MOSPD2: variants seen among roughly 807,000 people sequenced by gnomAD.
The protein encoded by MOSPD2 is motile sperm domain-containing protein 2.
In MOSPD2, 5 loss-of-function variants were observed where a neutral mutation model predicts 41.7. The ratio of observed to expected loss-of-function variants is 0.12; its 90% CI spans 0.06 to 0.25. MOSPD2 has a LOEUF of 0.25. Among genes scored for constraint, MOSPD2 ranks in the 10% least tolerant of loss-of-function variants. The pLI, the probability that MOSPD2 is intolerant of heterozygous loss-of-function variation, is 1.00. For missense variants in MOSPD2, 282 were observed against 375.2 expected (o/e 0.75, Z 2.05); for synonymous variants, 115 against 126.9 (o/e 0.91, Z 0.63).
intron 2 of MOSPD2, among the ~76,000 whole-genome samples, chrX:14,885,790 C>G (rs41311481): frequency 3.6e-5 from 4 of 110,825 alleles, no homozygotes; most frequent in African/African-American, 6.5e-5. Context: ...AAGCGAATAA[C>G]TTAATATTTG....
intron 4 of MOSPD2, among the ~76,000 whole-genome samples, chrX:14,895,911 T>C (rs1437551787): frequency 9.0e-6 from 1 of 111,196 alleles, no homozygotes; most frequent in Non-Finnish European, 1.9e-5. Flanking sequence ...ATACCAGGGA[T>C]GCAACTTGGC....
At position 14,920,522 on chromosome X, in the gene MOSPD2, T is replaced by C. The variant is rs1219098115; in HGVS notation, c.*713T>C. On this transcript the variant is annotated 3_prime_UTR_variant, in exon 15 of 15. Coordinates refer to ENST00000380492, the MANE Select transcript of MOSPD2 (RefSeq NM_152581.4). ...TTGGAATTTCTTTGAATTCTGTTAG[T>C]AATGCCCAAAAGAAAAGTCTCAAGC... 1 of 752,120 alleles carries C rather than the reference T, an allele frequency of 1.3e-6. No homozygotes were observed. Among genetic ancestry groups the C allele is most frequent in the Non-Finnish European group, 1.6e-6 (1 of 638,539 alleles). The allele number at this position is 752,120 out of a possible 1,213,427, so 62.0% of individuals were successfully genotyped here.
chrX:14,877,977 CAAAAA>C (rs1182798930), intron 2 of MOSPD2, among the ~76,000 whole-genome samples: 1 of 88,848 alleles, frequency 1.1e-5, no homozygotes, highest in Non-Finnish European at 2.2e-5. Context: ...GACTCCATCT[CAAAAA>C]AAAAAAAAAT....
intron 5 of MOSPD2, among the ~76,000 whole-genome samples, chrX:14,898,615 A>C (rs2092567034): frequency 8.9e-6 from 1 of 112,118 alleles, no homozygotes; most frequent in African/African-American, 3.2e-5. Flanking sequence ...TAGATAAATA[A>C]ATATTCCATA....
intron 6 of MOSPD2, among the ~76,000 whole-genome samples, chrX:14,901,725 C>G (rs1024559885): frequency 9.0e-6 from 1 of 110,499 alleles, no homozygotes; most frequent in Non-Finnish European, 1.9e-5. Flanking sequence ...CAGTGCCAGT[C>G]ATTGGTCAGT....
intron 2 of MOSPD2, among the ~76,000 whole-genome samples, chrX:14,878,280 C>A (rs1219073299): frequency 3.6e-5 from 4 of 111,446 alleles, no homozygotes; most frequent in African/African-American, 1.3e-4. Flanking sequence ...CAGGCCTTTG[C>A]TCATATGTGC....
chrX:14,916,260 G>C lies in MOSPD2; in HGVS notation c.1250G>C (p.Gly417Ala), dbSNP rs762599533. 5.0e-6 allele frequency: 6 copies of C among 1,211,823 alleles called. No homozygotes were observed. In the South Asian group the frequency reaches 8.8e-5, roughly 18 times the overall value. ...GCTGCAGAAATGGAACAGTCATCTGGCACAGGCCCAGCAGAATTAACTCAG... is the reference window on the plus strand; with the variant it reads ...GCTGCAGAAATGGAACAGTCATCTGCCACAGGCCCAGCAGAATTAACTCAG... ...IMAAEMEQSS[G>A]TGPAELTQFW... is the part of the protein sequence containing the mutation. The change falls in exon 13 of 15, where the codon GGC becomes GCC. Residue 417 changes from glycine (G) to alanine (A), a missense_variant. Around this residue, in one of 3 missense-constraint regions of MOSPD2, gnomAD observed 94 missense variants for 102.1 expected, o/e 0.92. Coordinates refer to ENST00000380492, the MANE Select transcript of MOSPD2 (RefSeq NM_152581.4).
intron 14 of MOSPD2, 121 bp from the exon 15 acceptor site, chrX:14,919,551 C>G (rs1054310542): frequency 9.5e-6 from 5 of 525,164 alleles, no homozygotes; most frequent in South Asian, 3.3e-5. Context: ...CTTCCACCAG[C>G]CTTACAGAGT....
At position 14,920,680 on chromosome X, in the gene MOSPD2, A is replaced by T; in HGVS notation, c.*871A>T. On this transcript the variant is annotated 3_prime_UTR_variant, in exon 15 of 15. Transcript: ENST00000380492. ...CTTCACCCCCATTCCAGAGCAGAGG[A>T]GTCTCTGTGGACCATGAATTGCACT... 1.3e-6 allele frequency: 1 copy of T among 754,096 alleles called. No individual in the cohort carries two copies. The highest frequency in any genetic ancestry group is 1.6e-6 in the Non-Finnish European group (1 of 639,224). The allele number at this position is 754,096 out of a possible 1,213,427, so 62.1% of individuals were successfully genotyped here.
At chrX:14,893,920 A>G (rs1396926996) in intron 3 of MOSPD2, among the ~76,000 whole-genome samples, 1 of 112,184 alleles carries the variant, frequency 8.9e-6, no homozygotes, top group Non-Finnish European at 1.9e-5. Flanking sequence ...GGTGAAAAAT[A>G]GCAGAGATAT....
In MOSPD2 at chrX:14,912,264, T is replaced by A. The variant is rs760049672; in HGVS notation, c.895T>A (p.Ser299Thr). Residue 299 changes from serine (S) to threonine (T), a missense_variant, in exon 10 of 15, where the codon TCT becomes ACT. Coordinates refer to ENST00000380492, the MANE Select transcript of MOSPD2 (RefSeq NM_152581.4). ...TTGTCTTTAGATTAACCCAACCGAA[T>A]CTACTTCCAAAGCAGAAGAAAATGA... ...PLLKKINPTE[S>T]TSKAEENEKV... 3 of 1,173,341 alleles carry A rather than the reference T, an allele frequency of 2.6e-6. No individual in the cohort carries two copies. The highest frequency in any genetic ancestry group is 3.4e-6 in the Non-Finnish European group (3 of 878,092).
chrX:14,919,764 C>T lies in MOSPD2; in HGVS notation c.1512C>T (p.Leu504=). The part of the protein sequence containing the change: ...FQQLLLSLTM[L]LLAFVTSFFY... ...AGCTGCTGCTTTCCTTAACAATGCT[C>T]TTGCTTGCTTTTGTCACCTCTTTCT... is the stretch of plus-strand genomic sequence containing the variant. The change falls in exon 15 of 15, where the codon CTC becomes CTT. Residue 504 remains leucine, a synonymous_variant. Transcript: ENST00000380492. 1.7e-6 allele frequency: 2 copies of T among 1,210,574 alleles called. No individual in the cohort carries two copies. Among genetic ancestry groups the T allele is most frequent in the Non-Finnish European group, 2.2e-6 (2 of 894,643 alleles).
intron 6 of MOSPD2, among the ~76,000 whole-genome samples, chrX:14,902,474 A>G (rs965962169): frequency 7.2e-5 from 8 of 111,752 alleles, no homozygotes; most frequent in Admixed American, 6.7e-4. Flanking sequence ...CTGAAAACGT[A>G]GTGATGTATT....
In MOSPD2 at chrX:14,919,844, G is replaced by T. The variant is rs758083532; in HGVS notation, c.*35G>T. The T allele has an allele frequency of 8.5e-7, 1 of 1,177,846 alleles. No homozygotes were observed. The highest frequency in any genetic ancestry group is 1.8e-5 in the African/African-American group (1 of 56,346). On this transcript the variant is annotated 3_prime_UTR_variant, in exon 15 of 15. Coordinates refer to ENST00000380492, the MANE Select transcript of MOSPD2 (RefSeq NM_152581.4). Reference sequence around the variant, plus strand: ...GCCGGGTAGGAACCACGGTTCCTTCGTCCATTAGTTGGAAAAAGTAACAGA... The same window carrying T: ...GCCGGGTAGGAACCACGGTTCCTTCTTCCATTAGTTGGAAAAAGTAACAGA...
At chrX:14,880,083 T>A (rs767801979) in intron 2 of MOSPD2, among the ~76,000 whole-genome samples, 1 of 110,415 alleles carries the variant, frequency 9.1e-6, no homozygotes, top group African/African-American at 3.3e-5. Context: ...TTATGTTAAA[T>A]CAGAATATAA....
intron 13 of MOSPD2, among the ~76,000 whole-genome samples, chrX:14,918,416 T>C (rs1196671537): frequency 2.7e-5 from 3 of 111,638 alleles, no homozygotes; most frequent in Non-Finnish European, 5.6e-5. Context: ...TTGGATGAAT[T>C]CTACTGAATA....
intron 2 of MOSPD2, among the ~76,000 whole-genome samples, chrX:14,875,191 C>T (rs181390055): frequency 3.6e-5 from 4 of 112,507 alleles, no homozygotes; most frequent in African/African-American, 1.3e-4. Context: ...ATGTTATTGG[C>T]TAGGCCAGGA....
intron 11 of MOSPD2, among the ~76,000 whole-genome samples, chrX:14,915,026 G>A (rs908081994): frequency 4.5e-5 from 5 of 111,830 alleles, no homozygotes; most frequent in Non-Finnish European, 9.4e-5. Context: ...AGCATTAAGT[G>A]TAACAAGACT....
chrX:14,914,459 T>C, intron 10 of MOSPD2, 44 bp from the exon 11 acceptor site: 1 of 817,835 alleles, frequency 1.2e-6, no homozygotes, highest in African/African-American at 2.1e-5. Flanking sequence ...GATTGTCATT[T>C]ATTCTGATTA....
Sources: gnomAD v4.1 joint callset for allele counts (sites outside exome capture counted in the v4.1 genomes callset) on GRCh38, gnomAD v4.1.1 for gene constraint, gnomAD v4.1.1 regional missense constraint, MANE v1.5 for transcripts, NCBI Gene and HGNC (gene_info 2026-07-23, HGNC 2026-07-21) for gene names.